Variants in CFAP61 observed in about 807,000 individuals in gnomAD.
The protein encoded by CFAP61 is cilia and flagella associated protein 61.
CFAP61 carries 107 observed loss-of-function variants against 135.6 expected under a neutral mutation model. The ratio of observed to expected loss-of-function variants is 0.79; its 90% CI spans 0.67 to 0.93. The LOEUF (loss-of-function observed/expected upper bound fraction) is 0.93. CFAP61 is among the 40% of genes least tolerant of loss of function. The probability of loss-of-function intolerance (pLI) is 0.00; values close to 1 mark genes in which losing one functional copy is unlikely to be tolerated. For synonymous variants in CFAP61, 575 were observed against 578.5 expected, an observed-to-expected ratio of 0.99 and a Z score of 0.09; for missense variants, 1,507 against 1,556.2, an observed-to-expected ratio of 0.97 and a Z score of 0.53.
At chr20:20,100,557 T>G (rs2047947351) in intron 8 of CFAP61, among the ~76,000 whole-genome samples, 1 of 152,194 alleles carries the variant, frequency 6.6e-6, no homozygotes, top group African/African-American at 2.4e-5. Flanking sequence ...GAGGGGACAA[T>G]TAAATGTTAG....
intron 26 of CFAP61, among the ~76,000 whole-genome samples, chr20:20,351,597 A>G (rs1055032610): frequency 6.6e-6 from 1 of 151,872 alleles, no homozygotes; most frequent in Non-Finnish European, 1.5e-5. Flanking sequence ...ATGTTTATAT[A>G]CACTAACAAT....
chr20:20,332,675 G>A (rs759521473), intron 25 of CFAP61, among the ~76,000 whole-genome samples: 48 of 152,188 alleles, frequency 3.2e-4, no homozygotes, highest in Non-Finnish European at 6.3e-4. Flanking sequence ...TGAGTTCTGT[G>A]GCATGATCAT....
At chr20:20,071,135 C>G (rs2045676323) in intron 3 of CFAP61, 131 bp downstream of exon 3, 1 of 933,920 alleles carries the variant, frequency 1.1e-6, no homozygotes, top group Admixed American at 2.9e-5. Flanking sequence ...GTGAAGGGAG[C>G]TGGTGGGGAG....
In CFAP61 at chr20:20,172,179, A is replaced by G. The variant is rs375052925; in HGVS notation, c.1385+2719A>G. On this transcript the variant is annotated intron_variant, in intron 13 of 26. Transcript: ENST00000245957. Reference sequence around the variant, plus strand: ...TATCTAGTTTTTATCTTGTGTATGTATAGAAGTTCTAAAAAGTTACACAGG... The same window carrying G: ...TATCTAGTTTTTATCTTGTGTATGTGTAGAAGTTCTAAAAAGTTACACAGG... 254 of 884,162 alleles carry G rather than the reference A, an allele frequency of 2.9e-4. 7 individuals are homozygous for G. In the South Asian group the frequency reaches 0.01, roughly 35 times the overall value. The allele number at this position is 884,162 out of a possible 1,614,324, so 54.8% of individuals were successfully genotyped here.
chr20:20,168,660 C>T (rs1230247455), intron 12 of CFAP61, among the ~76,000 whole-genome samples: 5 of 151,986 alleles, frequency 3.3e-5, no homozygotes, highest in South Asian at 2.1e-4. Flanking sequence ...AAATTTAGTT[C>T]CTCCGCCAAT....
intron 25 of CFAP61, among the ~76,000 whole-genome samples, chr20:20,339,067 A>G (rs2058342242): frequency 6.6e-6 from 1 of 152,144 alleles, no homozygotes; most frequent in Admixed American, 6.5e-5. Flanking sequence ...CAGCTGTGCA[A>G]AAATGATTTT....
intron 18 of CFAP61, among the ~76,000 whole-genome samples, chr20:20,233,534 G>T (rs993347942): frequency 6.6e-6 from 1 of 152,202 alleles, no homozygotes; most frequent in South Asian, 2.1e-4. Context: ...CGGGACATCA[G>T]TTCTGGTGCA....
At chr20:20,246,313 A>G in intron 19 of CFAP61, 98 bp downstream of exon 19, 2 of 834,842 alleles carry the variant, frequency 2.4e-6, no homozygotes, top group South Asian at 2.9e-5. Flanking sequence ...TTGGAAAAGG[A>G]GAAGTGGTGG....
chr20:20,169,564 C>A, intron 13 of CFAP61, 104 bp downstream of exon 13: 1 of 1,028,480 alleles, frequency 9.7e-7, no homozygotes, highest in South Asian at 3.5e-5. Flanking sequence ...TTTTAAATAT[C>A]ATCTTTTATT....
chr20:20,187,875 G>T, intron 13 of CFAP61, 55 bp from the exon 14 acceptor site: 2 of 1,369,692 alleles, frequency 1.5e-6, no homozygotes, highest in Non-Finnish European at 2.1e-6. Flanking sequence ...TCTCCATTTG[G>T]GGGGAATACA....
intron 21 of CFAP61, among the ~76,000 whole-genome samples, chr20:20,273,041 A>ATTTTTTTTTTT: frequency 7.9e-6 from 1 of 127,358 alleles, no homozygotes; most frequent in Non-Finnish European, 1.6e-5. Flanking sequence ...GCCATGCTTA[A>ATTTTTTTTTTT]TTTTTTTTTT....
chr20:20,289,666 T>C (rs1353434089), intron 23 of CFAP61, among the ~76,000 whole-genome samples: 3 of 152,090 alleles, frequency 2.0e-5, no homozygotes, highest in Non-Finnish European at 4.4e-5. Context: ...AGCCCCACAT[T>C]CCATCCTTGT....
intron 24 of CFAP61, among the ~76,000 whole-genome samples, chr20:20,296,330 T>TGCTTCCTTGCTTCCTTCCTTCCCTCCTTC (rs1601871819): frequency 2.5e-5 from 1 of 39,524 alleles, no homozygotes; most frequent in African/African-American, 9.1e-5. Context: ...TTCCTTCCCT[T>TGCTTCCTTGCTTCCTTCCTTCCCTCCTTC]CCTTCCTTCC....
chr20:20,334,727 T>C (rs2058116137), intron 25 of CFAP61, among the ~76,000 whole-genome samples: 1 of 152,236 alleles, frequency 6.6e-6, no homozygotes, highest in Admixed American at 6.5e-5. Context: ...AAGAACTAGT[T>C]GGTTTTGCTT....
At chr20:20,322,543 T>C in intron 25 of CFAP61, 1 of 294,016 alleles carries the variant, frequency 3.4e-6, no homozygotes, top group Non-Finnish European at 5.0e-6. Flanking sequence ...AGCCCCCTTC[T>C]CAATTCTTGT....
rs542523473 is a variant in CFAP61, at chr20:20,131,477, GTTGCC to G, written c.860-11377_860-11373del. Among the ~76,000 whole-genome samples, 65 of 152,048 alleles carry G rather than the reference GTTGCC, an allele frequency of 4.3e-4. No individual in the cohort carries two copies. In the South Asian group the frequency reaches 0.013, roughly 31 times the overall value. On this transcript the variant is annotated intron_variant, in intron 8 of 26. Coordinates refer to ENST00000245957, the MANE Select transcript of CFAP61 (RefSeq NM_015585.4). ...AACTTTTAATGTTCAAAGTAGTAAT[GTTGCC>G]TTTTTCAGTTTTCATGATATTGAGT...
intron 3 of CFAP61, among the ~76,000 whole-genome samples, chr20:20,073,669 A>G (rs977890963): frequency 6.6e-6 from 1 of 152,224 alleles, no homozygotes; most frequent in Admixed American, 6.5e-5. Flanking sequence ...TAAAAGTCTC[A>G]GAAGGAGGAG....
intron 22 of CFAP61, among the ~76,000 whole-genome samples, chr20:20,280,213 C>A (rs755460029): frequency 2.0e-5 from 3 of 152,062 alleles, no homozygotes; most frequent in Non-Finnish European, 4.4e-5. Flanking sequence ...CAGGGACACG[C>A]AATGAAGAAA....
chr20:20,152,214 AG>A (rs1325350455), intron 9 of CFAP61, among the ~76,000 whole-genome samples: 1 of 152,196 alleles, frequency 6.6e-6, no homozygotes, highest in African/African-American at 2.4e-5. Context: ...TACTAAAAAA[AG>A]TTCTAAATCT....
Sources: gnomAD v4.1 joint callset for allele counts (sites outside exome capture counted in the v4.1 genomes callset) on GRCh38, gnomAD v4.1.1 for gene constraint, MANE v1.5 for transcripts, NCBI Gene and HGNC (gene_info 2026-07-23, HGNC 2026-07-21) for gene names.